The following ERBB4 variants were observed in gnomAD, a reference collection of about 807,000 sequenced individuals.
The protein encoded by ERBB4 is erb-b2 receptor tyrosine kinase 4.
A neutral mutation model predicts 158.0 loss-of-function variants in ERBB4; 42 were observed. The observed-to-expected ratio is 0.27, with a 90% CI of 0.21 to 0.34. The LOEUF is 0.34. ERBB4 is among the 10% of genes least tolerant of loss of function. The probability of loss-of-function intolerance (pLI) is 1.00; values close to 1 mark genes in which losing one functional copy is unlikely to be tolerated. For missense variants in ERBB4, 1,333 were observed against 1,624.1 expected (o/e 0.82, Z 3.08); for synonymous variants, 583 against 558.7 (o/e 1.04, Z -0.61).
intron 1 of ERBB4, among the ~76,000 whole-genome samples, chr2:212,211,405 A>C (rs2082928716): frequency 6.6e-6 from 1 of 152,132 alleles, no homozygotes; most frequent in Admixed American, 6.6e-5. Context: ...TCAAGGTTGC[A>C]ATTAATATCA....
chr2:212,436,939 A>G (rs1288582400), intron 1 of ERBB4, among the ~76,000 whole-genome samples: 1 of 152,024 alleles, frequency 6.6e-6, no homozygotes, highest in Non-Finnish European at 1.5e-5. Flanking sequence ...GAAGCACTAG[A>G]GGCTAGAAAA....
chr2:212,538,216 G>C, intron 1 of ERBB4, among the ~76,000 whole-genome samples: 1 of 149,620 alleles, frequency 6.7e-6, no homozygotes, highest in Admixed American at 6.6e-5. Flanking sequence ...AAAGCAGGGG[G>C]TTAAGGAGAG....
At chr2:211,897,288 C>A (rs769342754) in intron 3 of ERBB4, among the ~76,000 whole-genome samples, 1 of 151,856 alleles carries the variant, frequency 6.6e-6, no homozygotes, top group East Asian at 1.9e-4. Context: ...TGTGAAAGTA[C>A]TGTAAAAATG....
rs920755980 is a variant in ERBB4 at position 211,392,574 on chromosome 2, A to G, written c.3136-4582T>C. ...TCTCTTACTCCACACACACACACAC[A>G]CACACACACACACACACACACACAC... On this transcript the variant is annotated intron_variant, in intron 25 of 27. Coordinates refer to ENST00000342788, the MANE Select transcript of ERBB4 (RefSeq NM_005235.3). Among the ~76,000 whole-genome samples the G allele has an allele frequency of 6.1e-3, 903 of 149,078 alleles. 10 individuals are homozygous for G. The highest frequency in any genetic ancestry group is 0.022 in the African/African-American group (861 of 39,686).
At chr2:211,684,901 C>CA (rs2072500990) in intron 12 of ERBB4, among the ~76,000 whole-genome samples, 1 of 152,156 alleles carries the variant, frequency 6.6e-6, no homozygotes, top group Admixed American at 6.5e-5. Flanking sequence ...CTCAGGGAGA[C>CA]AAATTTGAGG....
chr2:212,163,963 T>A (rs539792867), intron 1 of ERBB4, among the ~76,000 whole-genome samples: 4 of 151,978 alleles, frequency 2.6e-5, no homozygotes, highest in African/African-American at 9.7e-5. Context: ...AGCTATTTTT[T>A]AAATTATTTT....
chr2:212,443,884 G>A (rs183299790), intron 1 of ERBB4, among the ~76,000 whole-genome samples: 75 of 152,290 alleles, frequency 4.9e-4, no homozygotes, highest in Admixed American at 1.4e-3. Flanking sequence ...GGTGGAAACT[G>A]AACATTTGAC....
At chr2:212,386,715 C>T (rs182705830) in intron 1 of ERBB4, among the ~76,000 whole-genome samples, 2 of 152,112 alleles carry the variant, frequency 1.3e-5, no homozygotes, top group Admixed American at 1.3e-4. Context: ...GCATGCAACA[C>T]TACTTCCTCT....
intron 2 of ERBB4, among the ~76,000 whole-genome samples, chr2:212,115,967 A>G (rs2079559238): frequency 6.6e-6 from 1 of 152,168 alleles, no homozygotes; most frequent in South Asian, 2.1e-4. Flanking sequence ...TATTTGCAAC[A>G]AAGGTATATT....
chr2:212,144,871 T>G (rs2080612001), intron 1 of ERBB4, among the ~76,000 whole-genome samples: 2 of 152,214 alleles, frequency 1.3e-5, no homozygotes, highest in Non-Finnish European at 2.9e-5. Context: ...GGCAAAATTT[T>G]TAAAAGATGT....
intron 1 of ERBB4, among the ~76,000 whole-genome samples, chr2:212,436,180 A>AGGACATGGTAAATAAAC (rs1480821909): frequency 6.6e-6 from 1 of 152,056 alleles, no homozygotes; most frequent in African/African-American, 2.4e-5. Flanking sequence ...ACTGTCAGCC[A>AGGACATGGTAAATAAAC]TATAAACAGG....
At chr2:212,516,794 A>G (rs1691871077) in intron 1 of ERBB4, among the ~76,000 whole-genome samples, 2 of 152,098 alleles carry the variant, frequency 1.3e-5, no homozygotes, top group Admixed American at 1.3e-4. Context: ...TGAATTAAGG[A>G]GCTAGGGCCA....
intron 1 of ERBB4, among the ~76,000 whole-genome samples, chr2:212,264,701 A>G (rs938364419): frequency 6.6e-6 from 1 of 152,140 alleles, no homozygotes; most frequent in East Asian, 1.9e-4. Flanking sequence ...AGTTTCTCTC[A>G]TATTTTATTT....
intron 26 of ERBB4, among the ~76,000 whole-genome samples, chr2:211,387,512 T>A (rs1268074402): frequency 1.3e-5 from 2 of 152,188 alleles, no homozygotes; most frequent in Non-Finnish European, 2.9e-5. Context: ...TAGACAGTTG[T>A]CATTAAGAAT....
intron 2 of ERBB4, among the ~76,000 whole-genome samples, chr2:211,954,522 C>A (rs951079030): frequency 2.0e-5 from 3 of 152,018 alleles, no homozygotes; most frequent in Admixed American, 6.6e-5. Context: ...TAGATATTAT[C>A]CACAAAAATG....
At chr2:212,335,335 T>C (rs2088379014) in intron 1 of ERBB4, among the ~76,000 whole-genome samples, 1 of 152,002 alleles carries the variant, frequency 6.6e-6, no homozygotes, top group Non-Finnish European at 1.5e-5. Flanking sequence ...TAATACATTT[T>C]GGAACAGATT....
At chr2:211,478,903 G>T (rs1401261095) in intron 20 of ERBB4, among the ~76,000 whole-genome samples, 2 of 152,074 alleles carry the variant, frequency 1.3e-5, no homozygotes, top group African/African-American at 4.8e-5. Context: ...AACTCCTCAG[G>T]ATGGTAATGT....
chr2:212,059,761 C>T (rs1239186178), intron 2 of ERBB4, among the ~76,000 whole-genome samples: 1 of 152,154 alleles, frequency 6.6e-6, no homozygotes, highest in Non-Finnish European at 1.5e-5. Flanking sequence ...GAAACTGGAT[C>T]CCTCCCTTAC....
At chr2:212,085,972 C>T (rs2125479926) in intron 2 of ERBB4, among the ~76,000 whole-genome samples, 1 of 151,986 alleles carries the variant, frequency 6.6e-6, no homozygotes, top group East Asian at 1.9e-4. Context: ...TTCTTGTAGA[C>T]ACCTATTGTG....
Sources: allele counts gnomAD v4.1 joint callset (sites outside exome capture counted in the v4.1 genomes callset), GRCh38; gene constraint gnomAD v4.1.1; transcripts MANE v1.5; gene names NCBI Gene and HGNC (gene_info 2026-07-23, HGNC 2026-07-21).